STXBP4: variants seen among roughly 807,000 people sequenced by gnomAD.
STXBP4 encodes the protein syntaxin-binding protein 4.
In STXBP4, 55 loss-of-function variants were observed where a neutral mutation model predicts 76.1. The observed-to-expected ratio is 0.72, with a 90% CI of 0.58 to 0.91. The LOEUF (loss-of-function observed/expected upper bound fraction) is 0.91, where lower values mean the gene tolerates loss of function less well. Ranked by LOEUF, STXBP4 falls within the 40% of genes least tolerant of loss-of-function variation. STXBP4 has a pLI of 0.00. For missense variants in STXBP4, 618 were observed against 636.9 expected, an observed-to-expected ratio of 0.97 and a Z score of 0.32; for synonymous variants, 201 against 220.2, an observed-to-expected ratio of 0.91 and a Z score of 0.77.
intron 4 of STXBP4, among the ~76,000 whole-genome samples, chr17:54,992,849 AT>A (rs1301749470): frequency 4.0e-5 from 6 of 151,392 alleles, no homozygotes; most frequent in Non-Finnish European, 7.4e-5. Flanking sequence ...AGTAGCTGGG[AT>A]TACAGGTGCG....
chr17:55,211,864 G>A, the STXBP4 span, among the ~76,000 whole-genome samples: 1 of 130,016 alleles, frequency 7.7e-6, no homozygotes, highest in South Asian at 2.6e-4. Flanking sequence ...CTGGAGTGGT[G>A]CAGTGGTGCG....
intron 8 of STXBP4, among the ~76,000 whole-genome samples, chr17:55,019,598 T>A (rs2144617871): frequency 6.6e-6 from 1 of 152,342 alleles, no homozygotes; most frequent in East Asian, 1.9e-4. Flanking sequence ...AATTTAGAAT[T>A]ACCTGTGTTT....
intron 11 of STXBP4, chr17:55,044,274 T>C (rs1260867191): frequency 6.6e-6 from 1 of 152,038 alleles, no homozygotes; most frequent in Non-Finnish European, 1.5e-5. Flanking sequence ...CATAACTACT[T>C]GATTTACCAC....
At chr17:55,092,661 C>T (rs1202813856) in intron 16 of STXBP4, among the ~76,000 whole-genome samples, 1 of 152,176 alleles carries the variant, frequency 6.6e-6, no homozygotes, top group Non-Finnish European at 1.5e-5. Context: ...AATATATTAC[C>T]TTTTAAGAAG....
rs750079880 is a variant in STXBP4, at chr17:55,078,072, G to C, written c.1189-6G>C. The C allele has an allele frequency of 1.3e-6, 2 of 1,581,366 alleles. No homozygotes were observed. Among genetic ancestry groups the C allele is most frequent in the African/African-American group, 2.7e-5 (2 of 73,720 alleles). ...TGTAAATGCTCCTTTTGATATCTCT[G>C]TGCAGGAAAGTGTTCAGGATTTAAA... On this transcript the variant is annotated splice_polypyrimidine_tract_variant and splice_region_variant and intron_variant, in intron 13 of 17. Transcript: ENST00000376352.
the STXBP4 span, among the ~76,000 whole-genome samples, chr17:55,212,248 T>G: frequency 6.6e-6 from 1 of 152,242 alleles, no homozygotes; most frequent in African/African-American, 2.4e-5. Flanking sequence ...AGCTTCAGTT[T>G]TCTTCCCTGG....
intron 12 of STXBP4, among the ~76,000 whole-genome samples, chr17:55,048,005 A>G (rs2078812358): frequency 6.6e-6 from 1 of 151,906 alleles, no homozygotes; most frequent in South Asian, 2.1e-4. Flanking sequence ...ATGAAGAACA[A>G]ACAAAATCAC....
At chr17:55,076,853 T>C (rs145329385) in intron 13 of STXBP4, among the ~76,000 whole-genome samples, 505 of 152,330 alleles carry the variant, frequency 3.3e-3, no homozygotes, top group Non-Finnish European at 5.5e-3. Context: ...TGTCTTTCTG[T>C]TCCATTATGA....
intron 8 of STXBP4, among the ~76,000 whole-genome samples, chr17:55,015,589 A>G (rs948209590): frequency 4.6e-5 from 7 of 151,764 alleles, no homozygotes; most frequent in Non-Finnish European, 8.9e-5. Context: ...TGAGAGAGAA[A>G]AAGGTACATG....
At chr17:55,057,899 G>T (rs1567741806) in intron 12 of STXBP4, among the ~76,000 whole-genome samples, 1 of 151,998 alleles carries the variant, frequency 6.6e-6, no homozygotes. Context: ...CTTTTTTATG[G>T]CTGCATAGAA....
At chr17:55,084,650 A>G (rs1002226218) in intron 16 of STXBP4, among the ~76,000 whole-genome samples, 18 of 151,756 alleles carry the variant, frequency 1.2e-4, no homozygotes, top group South Asian at 6.3e-4. Context: ...TCTTGAATTG[A>G]TTTTTGTATA....
At position 54,972,175 on chromosome 17, in the gene STXBP4, T is replaced by G. The variant is rs188976848; in HGVS notation, c.-157+3360T>G. Among the ~76,000 whole-genome samples, 3 of 152,358 alleles carry G rather than the reference T, an allele frequency of 2.0e-5. No individual in the cohort carries two copies. In the East Asian group the frequency reaches 5.8e-4, roughly 29 times the overall value. ...CAGGTTTCTCTGTTACAAGGTGAAT[T>G]AGCAAATATGTCACATTCATAAATT... On this transcript the variant is annotated intron_variant, in intron 1 of 17. Transcript: ENST00000376352.
chr17:55,212,089 G>A, the STXBP4 span, among the ~76,000 whole-genome samples: 5 of 151,760 alleles, frequency 3.3e-5, no homozygotes, highest in African/African-American at 9.7e-5. Flanking sequence ...CAAAGTGCTG[G>A]GATTACCGGC....
At chr17:55,137,260 C>T (rs1217959674) in intron 16 of STXBP4, among the ~76,000 whole-genome samples, 1 of 151,550 alleles carries the variant, frequency 6.6e-6, no homozygotes, top group Admixed American at 6.6e-5. Context: ...ATATCTCCCC[C>T]CACACCTCCA....
At chr17:55,119,317 A>G (rs571797659) in intron 16 of STXBP4, among the ~76,000 whole-genome samples, 9 of 152,274 alleles carry the variant, frequency 5.9e-5, no homozygotes, top group African/African-American at 1.9e-4. Flanking sequence ...TTGTTTCTAC[A>G]AAAACTAAGT....
chr17:55,023,884 A>G (rs1446240365), intron 8 of STXBP4, among the ~76,000 whole-genome samples: 1 of 148,228 alleles, frequency 6.7e-6, no homozygotes, highest in East Asian at 2.0e-4. Flanking sequence ...TTAGAGAAAC[A>G]CAAGATTCTG....
intron 7 of STXBP4, among the ~76,000 whole-genome samples, chr17:55,004,247 G>C (rs141850084): frequency 6.6e-6 from 1 of 151,966 alleles, no homozygotes; most frequent in Non-Finnish European, 1.5e-5. Flanking sequence ...CTAATAGCGC[G>C]TAAAGCCTTA....
In STXBP4 at chr17:55,160,028, G is replaced by A. The variant is rs1432631373; in HGVS notation, c.*117G>A. 2 of 592,330 alleles carry A rather than the reference G, an allele frequency of 3.4e-6. No homozygotes were observed. Among genetic ancestry groups the A allele is most frequent in the Non-Finnish European group, 5.9e-6 (2 of 337,348 alleles). 36.7% of individuals were successfully genotyped at this position (592,330 alleles called of 1,614,324 possible). A position where few individuals can be genotyped will look rare whatever the true frequency, so the allele number is the denominator to read the frequency against. ...AAGCATGCACTACTTGTTGAAGTGT[G>A]AAATGGAGACTCTGGACTTTGGGTA... On this transcript the variant is annotated 3_prime_UTR_variant, in exon 18 of 18. Transcript: ENST00000376352.
At chr17:55,000,747 A>T in intron 6 of STXBP4, 61 bp from the exon 7 acceptor site, 1 of 1,083,422 alleles carries the variant, frequency 9.2e-7, no homozygotes, top group Non-Finnish European at 1.4e-6. Context: ...TTATGTTAAC[A>T]TGGGCTTCAA....
Sources: gnomAD v4.1 joint callset for allele counts (sites outside exome capture counted in the v4.1 genomes callset) on GRCh38, gnomAD v4.1.1 for gene constraint, MANE v1.5 for transcripts, NCBI Gene and HGNC (gene_info 2026-07-23, HGNC 2026-07-21) for gene names.